Variants in SAMSN1 observed in about 807,000 individuals in gnomAD.
The protein encoded by SAMSN1 is SAM domain, SH3 domain and nuclear localization signals 1.
SAMSN1 carries 31 observed loss-of-function variants against 42.0 expected under a neutral mutation model. The observed-to-expected ratio is 0.74, with a 90% CI of 0.55 to 1.00. The LOEUF (loss-of-function observed/expected upper bound fraction) is 1.00, where lower values mean the gene tolerates loss of function less well. Ranked by LOEUF, SAMSN1 falls within the 50% of genes least tolerant of loss-of-function variation. SAMSN1 has a pLI of 0.00. For synonymous variants in SAMSN1, 178 were observed against 151.9 expected (o/e 1.17, Z -1.26); for missense variants, 464 against 439.4 (o/e 1.06, Z -0.50).
chr21:14,628,790 C>T (rs564445532), intron 2 of SAMSN1, among the ~76,000 whole-genome samples: 2 of 152,150 alleles, frequency 1.3e-5, no homozygotes, highest in African/African-American at 4.8e-5. Flanking sequence ...CTTGATTTTA[C>T]ACATTTGCAG....
At chr21:14,530,986 A>G (rs1431994001) in intron 1 of SAMSN1, among the ~76,000 whole-genome samples, 1 of 152,088 alleles carries the variant, frequency 6.6e-6, no homozygotes, top group Non-Finnish European at 1.5e-5. Flanking sequence ...TCTATTTATT[A>G]TAGAATATTA....
At chr21:14,586,289 A>G (rs1176437574), upstream of SAMSN1, among the ~76,000 whole-genome samples, 1 of 151,470 alleles carries the variant, frequency 6.6e-6, no homozygotes, top group Non-Finnish European at 1.5e-5. Context: ...GAAAAAGAAA[A>G]AAAAAGAAAA....
At chr21:14,613,919 T>C (rs1043999493) in intron 3 of SAMSN1, among the ~76,000 whole-genome samples, 3 of 151,992 alleles carry the variant, frequency 2.0e-5, no homozygotes, top group Admixed American at 2.0e-4. Context: ...AAAAACATGC[T>C]TAAAAAAACA....
At chr21:14,559,186 A>G (rs1980860740) in intron 2 of SAMSN1, among the ~76,000 whole-genome samples, 1 of 152,162 alleles carries the variant, frequency 6.6e-6, no homozygotes, top group South Asian at 2.1e-4. Context: ...GATAATAAAT[A>G]TATAGGGGAA....
intron 4 of SAMSN1, 91 bp from the exon 5 acceptor site, chr21:14,510,552 A>AC (rs2122977852): frequency 7.0e-7 from 1 of 1,422,560 alleles, no homozygotes; most frequent in East Asian, 2.3e-5. Flanking sequence ...TAATGCTGGA[A>AC]CACTGGATGC....
intron 1 of SAMSN1, among the ~76,000 whole-genome samples, chr21:14,534,317 G>A (rs1979455861): frequency 6.6e-6 from 1 of 152,140 alleles, no homozygotes; most frequent in African/African-American, 2.4e-5. Context: ...CAGGTAGACC[G>A]AGTTCAATCC....
At chr21:14,514,491 G>A (rs1600881106) in intron 3 of SAMSN1, among the ~76,000 whole-genome samples, 1 of 152,270 alleles carries the variant, frequency 6.6e-6, no homozygotes, top group Middle Eastern at 3.4e-3. Context: ...AGGGGATTAT[G>A]ATAGTAATCC....
rs113281132 is a variant in SAMSN1, at chr21:14,581,880, G to T, written c.261+256C>A. Among the ~76,000 whole-genome samples the T allele has an allele frequency of 3.0e-3, 458 of 152,122 alleles. 2 individuals carry two copies. Among genetic ancestry groups the T allele is most frequent in the African/African-American group, 9.7e-3 (401 of 41,494 alleles). Reference sequence around the variant, plus strand: ...ATTTTCTTGATCTCAGTCAACACACGAAGTCTTCCTTCAATCAAAAAGAAA... The same window carrying T: ...ATTTTCTTGATCTCAGTCAACACACTAAGTCTTCCTTCAATCAAAAAGAAA... On this transcript the variant is annotated intron_variant, in intron 2 of 8. Coordinates refer to the SAMSN1 transcript ENST00000285670.
chr21:14,521,851 T>A (rs1296882831), intron 1 of SAMSN1, among the ~76,000 whole-genome samples: 1 of 151,258 alleles, frequency 6.6e-6, no homozygotes, highest in Non-Finnish European at 1.5e-5. Context: ...ATCCTGTACA[T>A]GTACCCCGAA....
At chr21:14,502,673 A>C (rs1470310778) in intron 5 of SAMSN1, among the ~76,000 whole-genome samples, 3 of 152,092 alleles carry the variant, frequency 2.0e-5, no homozygotes, top group Non-Finnish European at 2.9e-5. Flanking sequence ...ATTTCCTTCT[A>C]CTGCTCTCTC....
At chr21:14,608,449 C>T (rs1286920996) in intron 5 of SAMSN1, among the ~76,000 whole-genome samples, 1 of 152,318 alleles carries the variant, frequency 6.6e-6, no homozygotes, top group East Asian at 1.9e-4. Flanking sequence ...AGCCCCTCCA[C>T]AGTGGGCTGA....
At chr21:14,655,995 A>G (rs1467369323) in intron 1 of SAMSN1, among the ~76,000 whole-genome samples, 6 of 151,780 alleles carry the variant, frequency 4.0e-5, no homozygotes, top group African/African-American at 1.4e-4. Context: ...TTGGATGCCT[A>G]ACAATAAAAT....
At chr21:14,621,921 T>C (rs1212137451) in intron 2 of SAMSN1, among the ~76,000 whole-genome samples, 3 of 152,170 alleles carry the variant, frequency 2.0e-5, no homozygotes, top group Non-Finnish European at 4.4e-5. Context: ...CCCTCTGAGA[T>C]GAAGCTTCCA....
At chr21:14,514,389 A>G (rs1017733830) in intron 3 of SAMSN1, among the ~76,000 whole-genome samples, 3 of 152,196 alleles carry the variant, frequency 2.0e-5, no homozygotes, top group African/African-American at 7.2e-5. Flanking sequence ...AATTTTAACC[A>G]TGACCTGATT....
At chr21:14,572,678 G>GC in intron 2 of SAMSN1, among the ~76,000 whole-genome samples, 1 of 152,138 alleles carries the variant, frequency 6.6e-6, no homozygotes, top group Middle Eastern at 3.2e-3. Context: ...AAGTTATATT[G>GC]CACCTTGAAG....
chr21:14,585,236 A>C (rs1981882837), upstream of SAMSN1: 1 of 152,164 alleles, frequency 6.6e-6, no homozygotes, highest in Non-Finnish European at 1.5e-5. Context: ...TTGATTTTAT[A>C]GACCCTTTAC....
intron 5 of SAMSN1, among the ~76,000 whole-genome samples, chr21:14,607,522 C>G (rs1982597339): frequency 6.6e-6 from 1 of 152,172 alleles, no homozygotes; most frequent in Non-Finnish European, 1.5e-5. Flanking sequence ...GAAATGTCTG[C>G]TGAGGTTCTT....
rs73161254 is a variant in SAMSN1, at chr21:14,543,732, T to C, written c.57+2473A>G. On this transcript the variant is annotated intron_variant, in intron 1 of 7. Transcript: ENST00000400566. ...GATTAAATATTTTCTTCATTTTTTA[T>C]ATTGTCAGTTTTTACCCTACTATAG... Among the ~76,000 whole-genome samples, 616 of 152,310 alleles carry C rather than the reference T, an allele frequency of 4.0e-3. 1 individual carries two copies. The highest frequency in any genetic ancestry group is 6.6e-3 in the Non-Finnish European group (447 of 68,004).
At chr21:14,543,564 TAAC>T (rs1414468324) in intron 1 of SAMSN1, among the ~76,000 whole-genome samples, 1 of 152,192 alleles carries the variant, frequency 6.6e-6, no homozygotes, top group African/African-American at 2.4e-5. Flanking sequence ...AAAATACTAA[TAAC>T]AAAATCTTTC....
Sources: gnomAD v4.1 joint callset for allele counts (sites outside exome capture counted in the v4.1 genomes callset) on GRCh38, gnomAD v4.1.1 for gene constraint, MANE v1.5 for transcripts, NCBI Gene and HGNC (gene_info 2026-07-23, HGNC 2026-07-21) for gene names.